ZSWIM6: variants seen among roughly 807,000 people sequenced by gnomAD.
ZSWIM6 encodes the protein zinc finger SWIM-type containing 6.
Under a neutral mutation model 113.2 loss-of-function variants are expected in ZSWIM6, and 9 were observed. That is an observed-to-expected ratio of 0.08 (90% confidence interval 0.05 to 0.14). ZSWIM6 has a LOEUF of 0.14. Among genes scored for constraint, ZSWIM6 ranks in the 10% least tolerant of loss-of-function variants. The probability of loss-of-function intolerance (pLI) is 1.00; values close to 1 mark genes in which losing one functional copy is unlikely to be tolerated. For missense variants in ZSWIM6, 1,162 were observed against 1,552.2 expected (o/e 0.75, Z 4.22); for synonymous variants, 611 against 606.5 (o/e 1.01, Z -0.11).
intron 4 of ZSWIM6, among the ~76,000 whole-genome samples, chr5:61,499,507 G>A (rs968776553): frequency 2.0e-5 from 3 of 152,196 alleles, no homozygotes; most frequent in Admixed American, 6.5e-5. Context: ...GAACAGCCAA[G>A]AATGGATGAA....
chr5:61,527,600 A>G (rs979533181), intron 7 of ZSWIM6, among the ~76,000 whole-genome samples: 1 of 152,218 alleles, frequency 6.6e-6, no homozygotes, highest in African/African-American at 2.4e-5. Context: ...TGTGCAAAAT[A>G]CATTGCTAGG....
intron 5 of ZSWIM6, among the ~76,000 whole-genome samples, chr5:61,523,002 A>G (rs1469533193): frequency 1.3e-5 from 2 of 152,160 alleles, no homozygotes; most frequent in Non-Finnish European, 2.9e-5. Context: ...TAAAGAGTTC[A>G]TTTCGCTTAT....
At chr5:61,398,249 T>A (rs560605963) in intron 1 of ZSWIM6, among the ~76,000 whole-genome samples, 1 of 152,196 alleles carries the variant, frequency 6.6e-6, no homozygotes, top group African/African-American at 2.4e-5. Context: ...CCGCCTCCTG[T>A]CAGATCAGCA....
intron 4 of ZSWIM6, among the ~76,000 whole-genome samples, chr5:61,499,791 A>G (rs774666993): frequency 6.6e-6 from 1 of 152,192 alleles, no homozygotes; most frequent in African/African-American, 2.4e-5. Context: ...GGGAGATGGT[A>G]GACAGGTATC....
intron 1 of ZSWIM6, among the ~76,000 whole-genome samples, chr5:61,412,812 T>C (rs1182289546): frequency 6.6e-6 from 1 of 152,160 alleles, no homozygotes; most frequent in Admixed American, 6.5e-5. Flanking sequence ...TTCCATTTTA[T>C]TGTTGAAAGT....
intron 2 of ZSWIM6, among the ~76,000 whole-genome samples, chr5:61,489,508 A>T (rs773411512): frequency 6.6e-5 from 10 of 152,222 alleles, no homozygotes; most frequent in Non-Finnish European, 1.2e-4. Context: ...AATGAAATAG[A>T]GTAGAAAATA....
chr5:61,535,469 G>A lies in ZSWIM6; in HGVS notation c.2246-15G>A, dbSNP rs973848606. 8 of 1,550,816 alleles carry A rather than the reference G, an allele frequency of 5.2e-6. No individual in the cohort carries two copies. The highest frequency in any genetic ancestry group is 7.0e-6 in the Non-Finnish European group (8 of 1,146,438). Reference sequence around the variant, plus strand: ...TTTTTTAGGAACGTAAAATGTGTATGCTCTCTTCCCACAGCCGGACCATAT... The same window carrying A: ...TTTTTTAGGAACGTAAAATGTGTATACTCTCTTCCCACAGCCGGACCATAT... On this transcript the variant is annotated splice_polypyrimidine_tract_variant and intron_variant, in intron 9 of 13. Coordinates refer to ENST00000252744, the MANE Select transcript of ZSWIM6 (RefSeq NM_020928.2).
chr5:61,493,392 T>C (rs945796332), intron 3 of ZSWIM6, among the ~76,000 whole-genome samples: 13 of 152,170 alleles, frequency 8.5e-5, no homozygotes, highest in African/African-American at 2.9e-4. Flanking sequence ...TAAAAACCAT[T>C]GAATTGTACG....
intron 10 of ZSWIM6, among the ~76,000 whole-genome samples, chr5:61,537,426 AGTC>A (rs1312484952): frequency 6.6e-6 from 1 of 152,196 alleles, no homozygotes; most frequent in Non-Finnish European, 1.5e-5. Context: ...CATGCTTCTT[AGTC>A]CTTCTGGAAG....
At position 61,531,520 on chromosome 5, in the gene ZSWIM6, C is replaced by T; in HGVS notation, c.2040C>T (p.Phe680=). ...LEYQHLPAHK[F]LEEGESYLTL... is the part of the protein sequence containing the mutation. ...ACCAGCATCTACCTGCACACAAATT[C>T]TTAGAAGAAGGGGAATCCTATTTAA... The change falls in exon 9 of 14, where the codon TTC becomes TTT. Residue 680 remains phenylalanine (F), a synonymous_variant. Transcript: ENST00000252744. 6.4e-7 allele frequency: 1 copy of T among 1,551,692 alleles called. No homozygotes were observed. The highest frequency in any genetic ancestry group is 8.7e-7 in the Non-Finnish European group (1 of 1,146,976).
intron 1 of ZSWIM6, among the ~76,000 whole-genome samples, chr5:61,370,520 C>A (rs1341081645): frequency 1.3e-5 from 2 of 152,118 alleles, no homozygotes; most frequent in East Asian, 3.8e-4. Context: ...ATAAATAATT[C>A]AGTGGATTTA....
At chr5:61,439,743 A>G (rs180734200) in intron 1 of ZSWIM6, among the ~76,000 whole-genome samples, 29 of 152,322 alleles carry the variant, frequency 1.9e-4, no homozygotes, top group African/African-American at 7.0e-4. Flanking sequence ...AATAATATAT[A>G]TCTAGGAATG....
At chr5:61,384,117 TG>T (rs1264273655) in intron 1 of ZSWIM6, among the ~76,000 whole-genome samples, 1 of 150,712 alleles carries the variant, frequency 6.6e-6, no homozygotes, top group Non-Finnish European at 1.5e-5. Context: ...GGCGGGCGCC[TG>T]TAGTCCCAGC....
intron 4 of ZSWIM6, among the ~76,000 whole-genome samples, chr5:61,509,742 C>A (rs1748728973): frequency 6.6e-6 from 1 of 152,092 alleles, no homozygotes; most frequent in South Asian, 2.1e-4. Flanking sequence ...GTTTCAATGC[C>A]AAGTGGAAAT....
At chr5:61,444,011 T>C (rs1431778728) in intron 1 of ZSWIM6, among the ~76,000 whole-genome samples, 1 of 152,012 alleles carries the variant, frequency 6.6e-6, no homozygotes, top group Non-Finnish European at 1.5e-5. Flanking sequence ...GTTTGTTACA[T>C]ACGTATACGT....
chr5:61,468,776 T>C (rs924985339), intron 1 of ZSWIM6, among the ~76,000 whole-genome samples: 1 of 152,152 alleles, frequency 6.6e-6, no homozygotes, highest in Non-Finnish European at 1.5e-5. Flanking sequence ...GAGAATGAGT[T>C]GGTAGAATTT....
chr5:61,447,930 G>A (rs1417232074), intron 1 of ZSWIM6, among the ~76,000 whole-genome samples: 3 of 152,150 alleles, frequency 2.0e-5, no homozygotes, highest in Admixed American at 6.6e-5. Context: ...ATAGGAATTA[G>A]GGAGGAGTAA....
intron 1 of ZSWIM6, among the ~76,000 whole-genome samples, chr5:61,361,458 C>CA (rs1745031140): frequency 6.6e-6 from 1 of 152,112 alleles, no homozygotes; most frequent in African/African-American, 2.4e-5. Flanking sequence ...CTGTAACATA[C>CA]TAATTGTCCT....
chr5:61,521,916 G>A (rs1749136515), intron 5 of ZSWIM6, among the ~76,000 whole-genome samples: 1 of 151,894 alleles, frequency 6.6e-6, no homozygotes, highest in South Asian at 2.1e-4. Context: ...TTTATGACTC[G>A]ACTGAAGGAC....
Sources: allele counts gnomAD v4.1 joint callset (sites outside exome capture counted in the v4.1 genomes callset), GRCh38; gene constraint gnomAD v4.1.1; transcripts MANE v1.5; gene names NCBI Gene and HGNC (gene_info 2026-07-23, HGNC 2026-07-21).